The following GRXCR2 variants were observed in gnomAD, a reference collection of about 807,000 sequenced individuals.
GRXCR2 encodes the protein glutaredoxin domain-containing cysteine-rich protein 2.
A neutral mutation model predicts 24.8 loss-of-function variants in GRXCR2; 23 were observed. The ratio of observed to expected loss-of-function variants is 0.93; its 90% CI spans 0.67 to 1.32. The LOEUF is 1.32. Ranked by LOEUF, GRXCR2 falls within the 40% of genes most tolerant of loss-of-function variation. The pLI is 0.00. For missense variants in GRXCR2, 315 were observed against 303.4 expected (o/e 1.04, Z -0.28); for synonymous variants, 130 against 116.1 (o/e 1.12, Z -0.77).
At chr5:145,875,294 A>T (rs1756596487), upstream of GRXCR2, among the ~76,000 whole-genome samples, 1 of 152,250 alleles carries the variant, frequency 6.6e-6, no homozygotes, top group Non-Finnish European at 1.5e-5. Context: ...TCACGCCTGT[A>T]ATCCCAGCAC....
chr5:145,888,993 G>C (rs1480646443), intron 2 of GRXCR2, among the ~76,000 whole-genome samples: 2 of 151,942 alleles, frequency 1.3e-5, no homozygotes, highest in African/African-American at 2.4e-5. Context: ...AGCCAACATG[G>C]TGAAACCCTG....
At chr5:145,909,640 T>A (rs1426069384) in intron 2 of GRXCR2, among the ~76,000 whole-genome samples, 1 of 152,230 alleles carries the variant, frequency 6.6e-6, no homozygotes, top group Non-Finnish European at 1.5e-5. Flanking sequence ...AATATAAGCA[T>A]GGACTTTGGC....
rs910226410 is a variant in GRXCR2, at chr5:145,858,607, TAACA to T, written c.*1122_*1125del. On this transcript the variant is annotated 3_prime_UTR_variant, in exon 3 of 3. Transcript: ENST00000377976. ...ATGTTAAACGCTGAATATTAGAGAA[TAACA>T]AACAAATCTTGAGAAATTATTAAGT... The T allele has an allele frequency of 6.6e-6, 1 of 152,162 alleles. No individual in the cohort carries two copies. Among genetic ancestry groups the T allele is most frequent in the Non-Finnish European group, 1.5e-5 (1 of 68,028 alleles). 9.4% of individuals were successfully genotyped at this position (152,162 alleles called of 1,614,324 possible). A position where few individuals can be genotyped will look rare whatever the true frequency, so the allele number is the denominator to read the frequency against.
At chr5:145,891,303 G>A (rs1231506796) in intron 2 of GRXCR2, among the ~76,000 whole-genome samples, 1 of 152,122 alleles carries the variant, frequency 6.6e-6, no homozygotes, top group African/African-American at 2.4e-5. Flanking sequence ...AGTGGGTTCA[G>A]CACACCGAGC....
chr5:145,865,726 T>G (rs546108108), intron 2 of GRXCR2, among the ~76,000 whole-genome samples: 2 of 152,312 alleles, frequency 1.3e-5, no homozygotes, highest in East Asian at 1.9e-4. Flanking sequence ...CAAAGGATAC[T>G]CCTTAGTTTT....
At chr5:145,930,488 C>A (rs1431244314) in intron 2 of GRXCR2, among the ~76,000 whole-genome samples, 1 of 152,190 alleles carries the variant, frequency 6.6e-6, no homozygotes, top group African/African-American at 2.4e-5. Flanking sequence ...CCTTTACTTT[C>A]ACCTTCAAAT....
rs1404338281 is a variant in GRXCR2 at position 145,859,763 on chromosome 5, G to T, written c.717C>A (p.Gly239=). Reference sequence around the variant, plus strand: ...GATTGCAAATCTGGCAAGGCTGTAGGCCATTCTCATTGCAGGCAGGGCACC... The same window carrying T: ...GATTGCAAATCTGGCAAGGCTGTAGTCCATTCTCATTGCAGGCAGGGCACC... ...ALRCPACNEN[G]LQPCQICNQ Residue 239 remains glycine (G), a synonymous_variant, in exon 3 of 3, where the codon GGC becomes GGA. Transcript: ENST00000377976. 3.1e-6 allele frequency: 5 copies of T among 1,614,180 alleles called. No individual in the cohort carries two copies. Among genetic ancestry groups the T allele is most frequent in the East Asian group, 4.5e-5 (2 of 44,876 alleles).
At chr5:145,922,201 C>A (rs924554390) in intron 2 of GRXCR2, among the ~76,000 whole-genome samples, 1 of 152,174 alleles carries the variant, frequency 6.6e-6, no homozygotes, top group Admixed American at 6.5e-5. Context: ...CCAGGTTAGG[C>A]AGAGTACAGG....
At chr5:145,885,403 C>T (rs58094915) in intron 2 of GRXCR2, among the ~76,000 whole-genome samples, 4,550 of 152,154 alleles carry the variant, frequency 0.03, 209 homozygotes, top group African/African-American at 0.095. Context: ...CCAGAGTGGG[C>T]GTTTCATTGT....
At chr5:145,888,347 GT>G (rs1176652007) in intron 2 of GRXCR2, among the ~76,000 whole-genome samples, 2 of 152,192 alleles carry the variant, frequency 1.3e-5, no homozygotes, top group African/African-American at 2.4e-5. Context: ...CCCAAACAAT[GT>G]AAGCCTTCTC....
chr5:145,903,477 C>T (rs1757050402), intron 2 of GRXCR2, among the ~76,000 whole-genome samples: 1 of 151,710 alleles, frequency 6.6e-6, no homozygotes, highest in Non-Finnish European at 1.5e-5. Flanking sequence ...AGAGCTGCCA[C>T]TGAAGTCACC....
At position 145,859,799 on chromosome 5, in the gene GRXCR2, A is replaced by AT; in HGVS notation, c.680dup (p.Tyr227Ter). ...TGCAGGCAGGGCACCTCAGGGCCCG[A>AT]TAGGACTCCTTAAATCTGTTGGCCA... ...SMLANRFKES[Y>*]RALRCPACNE... Residue 227 changes from tyrosine (Y) to a stop codon, truncating the protein, a stop_gained and frameshift_variant, in exon 3 of 3, where the codon TAT becomes TAAT. Transcript: ENST00000377976. LOFTEE classifies it high-confidence loss of function. 6.2e-7 allele frequency: 1 copy of AT among 1,614,204 alleles called. No individual in the cohort carries two copies. The highest frequency in any genetic ancestry group is 8.5e-7 in the Non-Finnish European group (1 of 1,180,012).
intron 1 of GRXCR2, among the ~76,000 whole-genome samples, chr5:145,871,459 C>T (rs934843251): frequency 6.6e-6 from 1 of 152,154 alleles, no homozygotes; most frequent in African/African-American, 2.4e-5. Context: ...TTTTTCTCTT[C>T]TGCAAAATGG....
At chr5:145,863,600 A>T (rs1756376830) in intron 2 of GRXCR2, among the ~76,000 whole-genome samples, 1 of 152,198 alleles carries the variant, frequency 6.6e-6, no homozygotes. Context: ...AAAATTTTAT[A>T]GTGGGAAGGT....
intron 2 of GRXCR2, among the ~76,000 whole-genome samples, chr5:145,909,947 G>A (rs1338449028): frequency 2.6e-5 from 4 of 152,070 alleles, no homozygotes; most frequent in Non-Finnish European, 4.4e-5. Flanking sequence ...AGGACAGTAC[G>A]ATCAGACACG....
At chr5:145,858,031 G>A (rs999105059), downstream of GRXCR2, among the ~76,000 whole-genome samples, 1 of 152,062 alleles carries the variant, frequency 6.6e-6, no homozygotes, top group Non-Finnish European at 1.5e-5. Flanking sequence ...AAGCAGAATA[G>A]AGCCAGGCGC....
chr5:145,916,990 A>G (rs1757250387), intron 2 of GRXCR2, among the ~76,000 whole-genome samples: 1 of 152,120 alleles, frequency 6.6e-6, no homozygotes, highest in Non-Finnish European at 1.5e-5. Flanking sequence ...AGCCACATAC[A>G]GAAAACATAC....
At chr5:145,931,497 C>T (rs1187766482) in intron 2 of GRXCR2, among the ~76,000 whole-genome samples, 1 of 152,200 alleles carries the variant, frequency 6.6e-6, no homozygotes, top group Non-Finnish European at 1.5e-5. Context: ...ACACTCCTCA[C>T]CTGCAAACAT....
intron 1 of GRXCR2, among the ~76,000 whole-genome samples, chr5:145,869,876 C>G (rs1380469755): frequency 6.6e-6 from 1 of 152,038 alleles, no homozygotes; most frequent in African/African-American, 2.4e-5. Flanking sequence ...TATGTGTTAT[C>G]TTTTAAAATC....
Sources: allele counts gnomAD v4.1 joint callset (sites outside exome capture counted in the v4.1 genomes callset), GRCh38; gene constraint gnomAD v4.1.1; transcripts MANE v1.5; gene names NCBI Gene and HGNC (gene_info 2026-07-23, HGNC 2026-07-21).